KSR2: variants seen among roughly 807,000 people sequenced by gnomAD.
The protein encoded by KSR2 is kinase suppressor of ras 2.
A neutral mutation model predicts 107.8 loss-of-function variants in KSR2; 25 were observed. The observed-to-expected ratio is 0.23, with a 90% CI of 0.17 to 0.32. KSR2 has a LOEUF of 0.32. Among genes scored for constraint, KSR2 ranks in the 10% least tolerant of loss-of-function variants. The probability of loss-of-function intolerance (pLI) is 1.00; values close to 1 mark genes in which losing one functional copy is unlikely to be tolerated. For synonymous variants in KSR2, 480 were observed against 507.0 expected, an observed-to-expected ratio of 0.95 and a Z score of 0.71; for missense variants, 887 against 1,268.9, an observed-to-expected ratio of 0.70 and a Z score of 4.57.
In KSR2 at chr12:117,604,498, C is replaced by T. The variant is rs1203265710; in HGVS notation, c.1172-22139G>A. On this transcript the variant is annotated intron_variant, in intron 5 of 19. Coordinates refer to ENST00000339824, the MANE Select transcript of KSR2 (RefSeq NM_173598.6). ...AGGAATCACCAAACTGTTTTCCACA[C>T]GGTTTGCTACTCCTTGTCCTAGAGC... Among the ~76,000 whole-genome samples the T allele has an allele frequency of 4.6e-5, 7 of 152,116 alleles. 1 individual carries two copies. Among genetic ancestry groups the T allele is most frequent in the East Asian group, 1.9e-4 (1 of 5,192 alleles).
intron 4 of KSR2, among the ~76,000 whole-genome samples, chr12:117,724,694 A>C (rs1887348130): frequency 6.6e-6 from 1 of 152,148 alleles, no homozygotes. Context: ...GCCCAGATGC[A>C]CAAGAACATG....
intron 1 of KSR2, among the ~76,000 whole-genome samples, chr12:117,903,347 AG>A (rs1233584927): frequency 1.3e-5 from 2 of 152,262 alleles, no homozygotes; most frequent in African/African-American, 4.8e-5. Flanking sequence ...AGTGACAAAT[AG>A]GGTATGGCCA....
rs964435188 is a variant in KSR2, at chr12:117,963,558, G to A, written c.180+4518C>T. On this transcript the variant is annotated intron_variant, in intron 1 of 19. Transcript: ENST00000339824. ...GTCAAGGCTGCAGTAAGCCATGATC[G>A]TGCCACTGCACTCCAGCCTGAGTTA... Among the ~76,000 whole-genome samples the A allele has an allele frequency of 9.4e-5, 14 of 148,980 alleles. No homozygotes were observed. In the South Asian group the frequency reaches 1.1e-3, roughly 11 times the overall value.
chr12:117,965,171 G>A (rs917643569), intron 1 of KSR2, among the ~76,000 whole-genome samples: 14 of 152,154 alleles, frequency 9.2e-5, no homozygotes, highest in African/African-American at 3.1e-4. Flanking sequence ...CACTCACCAG[G>A]TCCTCCTCTT....
At chr12:117,825,140 C>T (rs1309988015) in intron 3 of KSR2, among the ~76,000 whole-genome samples, 2 of 152,176 alleles carry the variant, frequency 1.3e-5, no homozygotes, top group Non-Finnish European at 2.9e-5. Flanking sequence ...CAACATTGCG[C>T]CACTGCACTC....
At position 117,962,960 on chromosome 12, in the gene KSR2, G is replaced by A. The variant is rs1366986622; in HGVS notation, c.180+5116C>T. On this transcript the variant is annotated intron_variant, in intron 1 of 19. Transcript: ENST00000339824. ...AGCACTTTGGGAGGCTGAGGTGGGC[G>A]GATCACTGGAGGTCGGGAGTTTGAG... 4.7e-5 allele frequency among the ~76,000 whole-genome samples: 7 copies of A among 148,808 alleles called. No homozygotes were observed. The South Asian group carries it at 1.3e-3, about 27-fold the overall frequency.
intron 5 of KSR2, among the ~76,000 whole-genome samples, chr12:117,611,849 G>A (rs922894699): frequency 6.6e-6 from 1 of 152,128 alleles, no homozygotes; most frequent in Admixed American, 6.5e-5. Context: ...TATGCTAAAC[G>A]AAATAAGCCA....
At chr12:117,686,356 A>G (rs1035441029) in intron 4 of KSR2, among the ~76,000 whole-genome samples, 4 of 150,390 alleles carry the variant, frequency 2.7e-5, no homozygotes, top group Non-Finnish European at 5.9e-5. Context: ...ATGAGCCACC[A>G]TGCCTGGCCT....
At chr12:117,619,644 GTGT>G (rs927809553) in intron 5 of KSR2, among the ~76,000 whole-genome samples, 1 of 150,436 alleles carries the variant, frequency 6.6e-6, no homozygotes, top group East Asian at 2.0e-4. Flanking sequence ...GTATATGTGA[GTGT>G]TGTTATTAGT....
chr12:117,620,255 T>C (rs574651491), intron 5 of KSR2, among the ~76,000 whole-genome samples: 2 of 152,286 alleles, frequency 1.3e-5, no homozygotes, highest in South Asian at 4.1e-4. Flanking sequence ...ATATGTGAGC[T>C]TCCTGGGAGT....
chr12:117,544,285 T>C (rs1876702363), intron 9 of KSR2, among the ~76,000 whole-genome samples: 2 of 152,206 alleles, frequency 1.3e-5, no homozygotes, highest in African/African-American at 4.8e-5. Context: ...GGCATGTTTC[T>C]AATTTAGGTT....
chr12:117,803,386 C>T (rs552503536), intron 3 of KSR2, among the ~76,000 whole-genome samples: 1 of 152,248 alleles, frequency 6.6e-6, no homozygotes, highest in African/African-American at 2.4e-5. Flanking sequence ...TACCCCCGAC[C>T]CCATGCTGGG....
intron 1 of KSR2, among the ~76,000 whole-genome samples, chr12:117,913,886 A>G (rs531681692): frequency 1.6e-4 from 25 of 152,282 alleles, no homozygotes; most frequent in Non-Finnish European, 3.4e-4. Context: ...ATGACTCTGC[A>G]GCATGTTTTA....
chr12:117,665,415 A>C (rs1884618746), intron 5 of KSR2, among the ~76,000 whole-genome samples: 1 of 152,200 alleles, frequency 6.6e-6, no homozygotes, highest in African/African-American at 2.4e-5. Context: ...ATTAAAGTGC[A>C]GAGCAGTGGC....
chr12:117,873,768 T>C (rs1341103584), intron 1 of KSR2, among the ~76,000 whole-genome samples: 1 of 152,118 alleles, frequency 6.6e-6, no homozygotes, highest in African/African-American at 2.4e-5. Flanking sequence ...GCTGAGGTGC[T>C]TTCAAAATAC....
At chr12:117,634,675 A>T (rs1463584203) in intron 5 of KSR2, among the ~76,000 whole-genome samples, 3 of 152,166 alleles carry the variant, frequency 2.0e-5, no homozygotes, top group African/African-American at 7.2e-5. Flanking sequence ...TCAGGGCTGG[A>T]TCCCATCAGA....
At chr12:117,773,406 C>T (rs1419645521) in intron 3 of KSR2, among the ~76,000 whole-genome samples, 2 of 152,134 alleles carry the variant, frequency 1.3e-5, no homozygotes, top group African/African-American at 2.4e-5. Flanking sequence ...AAGCCATTCT[C>T]AAGGGAAAAA....
intron 1 of KSR2, among the ~76,000 whole-genome samples, chr12:117,871,303 G>A (rs758476149): frequency 1.3e-5 from 2 of 152,120 alleles, no homozygotes; most frequent in East Asian, 1.9e-4. Context: ...GGAATGTCAC[G>A]CCAGGCCAAG....
chr12:117,739,058 TA>T (rs1490021744), intron 4 of KSR2, among the ~76,000 whole-genome samples: 1 of 152,080 alleles, frequency 6.6e-6, no homozygotes, highest in Non-Finnish European at 1.5e-5. Flanking sequence ...AAATATATTT[TA>T]AAAATAAGGT....
Sources: gnomAD v4.1 joint callset for allele counts (sites outside exome capture counted in the v4.1 genomes callset) on GRCh38, gnomAD v4.1.1 for gene constraint, MANE v1.5 for transcripts, NCBI Gene and HGNC (gene_info 2026-07-23, HGNC 2026-07-21) for gene names.